Variants in SMARCC1 observed in about 807,000 individuals in gnomAD.
The protein encoded by SMARCC1 is SWI/SNF complex subunit SMARCC1.
A neutral mutation model predicts 147.4 loss-of-function variants in SMARCC1; 43 were observed. That is an observed-to-expected ratio of 0.29 (90% CI 0.23 to 0.38). The LOEUF (loss-of-function observed/expected upper bound fraction) is 0.38, where lower values mean the gene tolerates loss of function less well. Among genes scored for constraint, SMARCC1 ranks in the 10% least tolerant of loss-of-function variants. The pLI is 1.00. For missense variants in SMARCC1, 1,119 were observed against 1,381.1 expected (o/e 0.81, Z 3.01); for synonymous variants, 495 against 484.4 (o/e 1.02, Z -0.29).
Position 47,672,310 on chromosome 3 carries a change from GT to G in SMARCC1, c.1840-1594del, listed in dbSNP as rs367695775. Among the ~76,000 whole-genome samples the G allele has an allele frequency of 2.0e-4, 30 of 152,192 alleles. No individual in the cohort carries two copies. In the East Asian group the frequency reaches 4.8e-3, roughly 25 times the overall value. On this transcript the variant is annotated intron_variant, in intron 18 of 27. Coordinates refer to ENST00000254480, the MANE Select transcript of SMARCC1 (RefSeq NM_003074.4). ...GCTCACCGCAAGCTCCGCCTCCCGG[GT>G]TCACACCATTCTCCTGCCTCAGCCG...
intron 1 of SMARCC1, among the ~76,000 whole-genome samples, chr3:47,777,283 A>G (rs1331206799): frequency 2.7e-5 from 4 of 150,730 alleles, no homozygotes; most frequent in Admixed American, 6.6e-5. Flanking sequence ...GGGTTGCACC[A>G]TGTTGGCCAG....
intron 3 of SMARCC1, among the ~76,000 whole-genome samples, chr3:47,742,963 T>C (rs1224815521): frequency 6.6e-6 from 1 of 152,204 alleles, no homozygotes; most frequent in Non-Finnish European, 1.5e-5. Flanking sequence ...CTCATATGCA[T>C]GACATTAGAG....
intron 22 of SMARCC1, among the ~76,000 whole-genome samples, chr3:47,636,802 G>A (rs1396866668): frequency 1.4e-5 from 2 of 139,352 alleles, no homozygotes; most frequent in African/African-American, 2.7e-5. Context: ...GTGTGTGTGT[G>A]TGTGTGTGTG....
chr3:47,613,455 G>A (rs1402756103), intron 25 of SMARCC1, among the ~76,000 whole-genome samples: 1 of 151,212 alleles, frequency 6.6e-6, no homozygotes, highest in African/African-American at 2.4e-5. Context: ...CGCCTTCCGG[G>A]TTCAAGCAAT....
At chr3:47,781,541 C>A in intron 1 of SMARCC1, 62 bp downstream of exon 1, 3 of 1,271,210 alleles carry the variant, frequency 2.4e-6, no homozygotes, top group Non-Finnish European at 3.1e-6. Context: ...GCCCGCGAGG[C>A]CAGCTGCCGC....
chr3:47,780,903 C>T (rs1239391393), intron 1 of SMARCC1, among the ~76,000 whole-genome samples: 1 of 151,646 alleles, frequency 6.6e-6, no homozygotes, highest in Non-Finnish European at 1.5e-5. Context: ...GGCGGAACTT[C>T]CGTTCCAAAG....
At chr3:47,673,117 G>A (rs1024807901) in intron 18 of SMARCC1, among the ~76,000 whole-genome samples, 7 of 152,036 alleles carry the variant, frequency 4.6e-5, no homozygotes, top group African/African-American at 1.4e-4. Context: ...GAGCATGGTG[G>A]TTCATGCTTG....
chr3:47,653,514 C>T (rs1402128386), intron 21 of SMARCC1, among the ~76,000 whole-genome samples: 3 of 152,180 alleles, frequency 2.0e-5, no homozygotes, highest in Non-Finnish European at 2.9e-5. Flanking sequence ...AATCCTATAT[C>T]ACTCGGTTTC....
chr3:47,588,256 C>T lies in SMARCC1; in HGVS notation c.3271G>A (p.Val1091Ile). The T allele has an allele frequency of 6.2e-7, 1 of 1,613,794 alleles. No homozygotes were observed. Among genetic ancestry groups the T allele is most frequent in the Non-Finnish European group, 8.5e-7 (1 of 1,179,888 alleles). The change falls in exon 28 of 28, where the codon GTC becomes ATC. Residue 1091 changes from valine to isoleucine, a missense_variant. Transcript: ENST00000254480. The stretch of plus-strand genomic sequence containing the variant: ...GGGCCAGGAGCAGGAGGCGGAGGGA[C>T]CCCATCTGCAGGTGGTGGTGGCGGT... ...QPPPPPPADGVPPPPAPGPPA... is the reference protein window; with the variant it reads ...QPPPPPPADGIPPPPAPGPPA...
chr3:47,678,410 C>T, intron 15 of SMARCC1, 99 bp from the exon 16 acceptor site: 1 of 547,386 alleles, frequency 1.8e-6, no homozygotes, highest in South Asian at 3.3e-5. Context: ...AAAAATACAA[C>T]AACAAATTAA....
intron 20 of SMARCC1, 131 bp from the exon 21 acceptor site, chr3:47,661,586 C>T (rs1372814812): frequency 3.4e-6 from 2 of 585,894 alleles, no homozygotes; most frequent in African/African-American, 1.9e-5. Flanking sequence ...GCTCTCAGTC[C>T]CTCTATACCA....
chr3:47,694,091 AATTAC>A (rs1450824354), intron 11 of SMARCC1, among the ~76,000 whole-genome samples: 2 of 152,140 alleles, frequency 1.3e-5, no homozygotes, highest in South Asian at 4.1e-4. Flanking sequence ...AAGAACTTTA[AATTAC>A]ATTACATTTC....
chr3:47,678,255 T>C lies in SMARCC1; in HGVS notation c.1514A>G (p.Tyr505Cys). ...IDTYRLNPQE[Y>C]LTSTACRRNL... is the part of the protein sequence containing the mutation. The stretch of plus-strand genomic sequence containing the variant: ...CCTCCGACAAGCAGTGCTAGTTAAA[T>C]ACTCTTGGGGGTTTAGACGATACGT... Residue 505 changes from tyrosine (Y) to cysteine (C), a missense_variant, in exon 16 of 28, where the codon TAT (tyrosine) becomes TGT (cysteine). Physicochemically the swap from Tyr to Cys is radical, Grantham distance 194 (BLOSUM62 -2). Transcript: ENST00000254480. The C allele has an allele frequency of 6.2e-7, 1 of 1,609,176 alleles. No individual in the cohort carries two copies. Among genetic ancestry groups the C allele is most frequent in the Non-Finnish European group, 8.5e-7 (1 of 1,177,988 alleles).
rs967776121 is a variant in SMARCC1 at position 47,663,516 on chromosome 3, C to T, written c.1900-924G>A. ...CTCCCAGCTACTCAGGGGGCTGAGG[C>T]GAGAGGATCTCTTGAGCCCAGGGGT... On this transcript the variant is annotated intron_variant, in intron 19 of 27. Coordinates refer to ENST00000254480, the MANE Select transcript of SMARCC1 (RefSeq NM_003074.4). 32 of 775,130 alleles carry T rather than the reference C, an allele frequency of 4.1e-5. 1 individual carries two copies. Among genetic ancestry groups the T allele is most frequent in the South Asian group, 3.8e-4 (22 of 57,342 alleles). 48.0% of individuals were successfully genotyped at this position (775,130 alleles called of 1,614,324 possible).
chr3:47,773,296 T>C (rs979801077), intron 1 of SMARCC1, among the ~76,000 whole-genome samples: 3 of 151,756 alleles, frequency 2.0e-5, no homozygotes, highest in Non-Finnish European at 4.4e-5. Context: ...CCCAACTACT[T>C]TTGTATTTTT....
At chr3:47,733,601 C>T (rs2034402718) in intron 5 of SMARCC1, among the ~76,000 whole-genome samples, 2 of 150,042 alleles carry the variant, frequency 1.3e-5, no homozygotes, top group African/African-American at 2.5e-5. Flanking sequence ...ATTAGCAGCG[C>T]AAGGGCCAGG....
At chr3:47,684,674 C>T (rs1414793148) in intron 14 of SMARCC1, among the ~76,000 whole-genome samples, 1 of 152,010 alleles carries the variant, frequency 6.6e-6, no homozygotes, top group Non-Finnish European at 1.5e-5. Flanking sequence ...AACTGCTGAC[C>T]TCAGGTGATC....
At chr3:47,680,308 T>G in intron 15 of SMARCC1, 129 bp downstream of exon 15, 1 of 723,216 alleles carries the variant, frequency 1.4e-6, no homozygotes, top group East Asian at 2.6e-5. Flanking sequence ...GCAAATGAGA[T>G]ATGAACACTG....
chr3:47,685,060 A>T (rs954988791), intron 14 of SMARCC1, among the ~76,000 whole-genome samples: 1 of 152,156 alleles, frequency 6.6e-6, no homozygotes, highest in South Asian at 2.1e-4. Flanking sequence ...TTTTCACTTA[A>T]AGGAAGCGCT....
Sources: allele counts gnomAD v4.1 joint callset (sites outside exome capture counted in the v4.1 genomes callset), GRCh38; gene constraint gnomAD v4.1.1; transcripts MANE v1.5; gene names NCBI Gene and HGNC (gene_info 2026-07-23, HGNC 2026-07-21).